Variants in RYR3 observed in about 807,000 individuals in gnomAD.
The protein encoded by RYR3 is ryanodine receptor 3.
Under a neutral mutation model 584.3 loss-of-function variants are expected in RYR3, and 207 were observed. That is an observed-to-expected ratio of 0.35 (90% CI 0.32 to 0.40). RYR3 has a LOEUF of 0.40. Ranked by LOEUF, RYR3 falls within the 10% of genes least tolerant of loss-of-function variation. The probability of loss-of-function intolerance (pLI) is 1.00; values close to 1 mark genes in which losing one functional copy is unlikely to be tolerated. For missense variants in RYR3, 5,616 were observed against 6,089.2 expected, an observed-to-expected ratio of 0.92 and a Z score of 2.59; for synonymous variants, 2,416 against 2,248.5, an observed-to-expected ratio of 1.07 and a Z score of -2.11.
rs896859801 is a variant in RYR3, at chr15:33,741,093, T to C, written c.7820+1098T>C. ...AACGTTCTGAGAAAACATTATACTCTAGCAACTGTGTGTTAATGGCTCTGT... is the reference window on the plus strand; with the variant it reads ...AACGTTCTGAGAAAACATTATACTCCAGCAACTGTGTGTTAATGGCTCTGT... On this transcript the variant is annotated intron_variant, in intron 51 of 103. Coordinates refer to ENST00000634891, the MANE Select transcript of RYR3 (RefSeq NM_001036.6). Among the ~76,000 whole-genome samples the C allele has an allele frequency of 2.0e-5, 3 of 152,248 alleles. No homozygotes were observed. The East Asian group carries it at 5.8e-4, about 29-fold the overall frequency.
chr15:33,409,571 C>T (rs1170819735), intron 1 of RYR3, among the ~76,000 whole-genome samples: 1 of 152,152 alleles, frequency 6.6e-6, no homozygotes, highest in Non-Finnish European at 1.5e-5. Context: ...GTGGTTGGGC[C>T]CACTGTTCTC....
At chr15:33,369,110 A>G (rs1385670237) in intron 1 of RYR3, among the ~76,000 whole-genome samples, 1 of 152,098 alleles carries the variant, frequency 6.6e-6, no homozygotes. Context: ...ACTTTTTGAA[A>G]CAATTCTGTA....
chr15:33,730,708 A>T (rs1264688186), intron 47 of RYR3, among the ~76,000 whole-genome samples: 3 of 152,238 alleles, frequency 2.0e-5, no homozygotes, highest in African/African-American at 7.2e-5. Flanking sequence ...AGATGGTGGT[A>T]AAGCATGCTT....
intron 38 of RYR3, among the ~76,000 whole-genome samples, chr15:33,681,402 T>G (rs576970512): frequency 6.6e-6 from 1 of 152,326 alleles, no homozygotes; most frequent in East Asian, 1.9e-4. Flanking sequence ...TTCTGGACTT[T>G]CTAGGGGAGA....
chr15:33,656,983 C>T (rs934832112), intron 32 of RYR3, among the ~76,000 whole-genome samples: 12 of 151,490 alleles, frequency 7.9e-5, no homozygotes, highest in Middle Eastern at 3.4e-3. Flanking sequence ...TGCCTTTTGC[C>T]GTGCAACATA....
At chr15:33,688,907 T>C (rs2065208577) in intron 38 of RYR3, among the ~76,000 whole-genome samples, 1 of 152,160 alleles carries the variant, frequency 6.6e-6, no homozygotes, top group African/African-American at 2.4e-5. Context: ...GTCATGCTAC[T>C]ATAAAGACAC....
Position 33,628,455 on chromosome 15 carries a change from G to T in RYR3, c.2575-16G>T. 6.5e-7 allele frequency: 1 copy of T among 1,542,148 alleles called. No homozygotes were observed. ...TCAAAACAATCGATTCTTTTCACTT[G>T]CTCCTTTTCCTTTAGGTTATTTTGC... is the stretch of plus-strand genomic sequence containing the variant. On this transcript the variant is annotated splice_polypyrimidine_tract_variant and intron_variant, in intron 20 of 103. Coordinates refer to ENST00000634891, the MANE Select transcript of RYR3 (RefSeq NM_001036.6).
intron 40 of RYR3, 32 bp from the exon 41 acceptor site, chr15:33,699,672 T>C: frequency 6.2e-7 from 1 of 1,604,496 alleles, no homozygotes; most frequent in East Asian, 2.2e-5. Context: ...TGATAGATTC[T>C]TTTGTCTGAC....
intron 16 of RYR3, among the ~76,000 whole-genome samples, chr15:33,587,894 T>G (rs1054426229): frequency 1.3e-5 from 2 of 152,198 alleles, no homozygotes; most frequent in Non-Finnish European, 2.9e-5. Flanking sequence ...ATTGCAACAC[T>G]TCATCTTTGC....
chr15:33,515,816 A>C (rs1327001783), intron 3 of RYR3, among the ~76,000 whole-genome samples: 2 of 152,164 alleles, frequency 1.3e-5, no homozygotes, highest in Non-Finnish European at 2.9e-5. Context: ...GTCTATAAAA[A>C]TTCATCAATG....
rs2075090924 is a variant in RYR3 at position 33,790,519 on chromosome 15, GA to G, written c.9830+2063del. 3.3e-5 allele frequency among the ~76,000 whole-genome samples: 5 copies of G among 152,284 alleles called. No individual in the cohort carries two copies. The South Asian group carries it at 1.0e-3, about 32-fold the overall frequency. On this transcript the variant is annotated intron_variant, in intron 67 of 103. Transcript: ENST00000634891. The stretch of plus-strand genomic sequence containing the variant: ...AAGAATGGCCTTTTTAGCAATTGAG[GA>G]AGACTGTGGATACATCAGATTTGGC...
At chr15:33,505,577 C>T (rs999192816) in intron 3 of RYR3, among the ~76,000 whole-genome samples, 2 of 152,288 alleles carry the variant, frequency 1.3e-5, no homozygotes, top group Middle Eastern at 3.4e-3. Flanking sequence ...CTGCAAGCTC[C>T]GCCTCCCAGG....
intron 12 of RYR3, among the ~76,000 whole-genome samples, chr15:33,576,990 C>A (rs1311828231): frequency 6.6e-6 from 1 of 152,110 alleles, no homozygotes; most frequent in Non-Finnish European, 1.5e-5. Flanking sequence ...AGTGGAGAGC[C>A]AAATCATGAA....
chr15:33,856,253 C>T (rs773767336), intron 98 of RYR3: 2 of 152,208 alleles, frequency 1.3e-5, no homozygotes, highest in Non-Finnish European at 2.9e-5. Context: ...AGGTTTGAGT[C>T]ACTATTCTTC....
At chr15:33,742,478 A>G in intron 52 of RYR3, 34 bp downstream of exon 52, 1 of 1,403,434 alleles carries the variant, frequency 7.1e-7, no homozygotes, top group Admixed American at 1.7e-5. Flanking sequence ...AATCGTCAGG[A>G]AGGAAAAACA....
intron 75 of RYR3, among the ~76,000 whole-genome samples, chr15:33,818,246 C>G (rs2076923475): frequency 6.6e-6 from 1 of 152,142 alleles, no homozygotes; most frequent in African/African-American, 2.4e-5. Context: ...CTCGGGTGCC[C>G]AGAGCTTGCA....
chr15:33,860,940 C>T, intron 101 of RYR3, 138 bp from the exon 102 acceptor site: 1 of 622,196 alleles, frequency 1.6e-6, no homozygotes. Flanking sequence ...ATGTATGGCA[C>T]TACTGAGTGA....
At chr15:33,456,348 T>C (rs539890148) in intron 1 of RYR3, among the ~76,000 whole-genome samples, 1 of 151,728 alleles carries the variant, frequency 6.6e-6, no homozygotes, top group African/African-American at 2.4e-5. Context: ...ACTGACTGTT[T>C]GTAGGCAGCG....
At chr15:33,420,392 T>C (rs2044155502) in intron 1 of RYR3, among the ~76,000 whole-genome samples, 1 of 152,150 alleles carries the variant, frequency 6.6e-6, no homozygotes. Flanking sequence ...ACATAATACA[T>C]TTGTTTGTGA....
Sources: gnomAD v4.1 joint callset for allele counts (sites outside exome capture counted in the v4.1 genomes callset) on GRCh38, gnomAD v4.1.1 for gene constraint, MANE v1.5 for transcripts, NCBI Gene and HGNC (gene_info 2026-07-23, HGNC 2026-07-21) for gene names.